The following KLHL5 variants were observed in gnomAD, a reference collection of about 807,000 sequenced individuals.
KLHL5 encodes the protein kelch-like protein 5.
Under a neutral mutation model 77.7 loss-of-function variants are expected in KLHL5, and 48 were observed. The observed-to-expected ratio is 0.62, with a 90% CI of 0.49 to 0.79. The LOEUF (loss-of-function observed/expected upper bound fraction) is 0.79, where lower values mean the gene tolerates loss of function less well. Among genes scored for constraint, KLHL5 ranks in the 30% least tolerant of loss-of-function variants. The pLI is 0.00. For synonymous variants in KLHL5, 260 were observed against 297.0 expected (o/e 0.88, Z 1.28); for missense variants, 723 against 859.7 (o/e 0.84, Z 1.99).
At chr4:39,077,618 T>C (rs988391333) in intron 2 of KLHL5, among the ~76,000 whole-genome samples, 3 of 151,876 alleles carry the variant, frequency 2.0e-5, no homozygotes, top group Admixed American at 6.6e-5. Flanking sequence ...GGGGACACTT[T>C]TACACTGTTG....
chr4:39,112,307 T>G (rs1369798727), intron 8 of KLHL5, among the ~76,000 whole-genome samples: 1 of 152,240 alleles, frequency 6.6e-6, no homozygotes, highest in African/African-American at 2.4e-5. Flanking sequence ...GTAATTTAAA[T>G]TAATGAAGGA....
chr4:39,094,180 G>A (rs1720849238), intron 5 of KLHL5, among the ~76,000 whole-genome samples: 1 of 151,978 alleles, frequency 6.6e-6, no homozygotes, highest in Admixed American at 6.6e-5. Flanking sequence ...AACACGTAGA[G>A]TTTAATAAGG....
chr4:39,066,139 A>G (rs1717878967), intron 1 of KLHL5, among the ~76,000 whole-genome samples: 1 of 152,214 alleles, frequency 6.6e-6, no homozygotes, highest in Admixed American at 6.5e-5. Context: ...CATGACAGTC[A>G]TCTAAGTCAT....
At chr4:39,094,568 A>G (rs1720883046) in intron 5 of KLHL5, among the ~76,000 whole-genome samples, 1 of 152,000 alleles carries the variant, frequency 6.6e-6, no homozygotes, top group Non-Finnish European at 1.5e-5. Flanking sequence ...GAAAGTTAAC[A>G]GCGAGGGAAA....
chr4:39,119,389 C>A (rs1349118778), intron 10 of KLHL5, among the ~76,000 whole-genome samples: 2 of 152,142 alleles, frequency 1.3e-5, no homozygotes, highest in Non-Finnish European at 2.9e-5. Context: ...GAGTTCGAGA[C>A]AGCCTGGGCA....
chr4:39,061,177 A>G (rs1386979522), upstream of KLHL5, among the ~76,000 whole-genome samples: 1 of 152,138 alleles, frequency 6.6e-6, no homozygotes, highest in Non-Finnish European at 1.5e-5. Flanking sequence ...ATTATTTAGC[A>G]TGAAATCATA....
At chr4:39,076,337 C>T (rs1350348334) in intron 2 of KLHL5, among the ~76,000 whole-genome samples, 190 bp downstream of exon 2, 1 of 152,124 alleles carries the variant, frequency 6.6e-6, no homozygotes, top group African/African-American at 2.4e-5. Context: ...CATTTTCCTG[C>T]TGTAGAAGCA....
chr4:39,059,855 C>G (rs1717268391), upstream of KLHL5, among the ~76,000 whole-genome samples: 1 of 152,142 alleles, frequency 6.6e-6, no homozygotes, highest in African/African-American at 2.4e-5. Flanking sequence ...GCCAAGATCA[C>G]ACCACTGTAC....
At position 39,121,292 on chromosome 4, in the gene KLHL5, AT is replaced by A; in HGVS notation, c.*227del. Reference sequence around the variant, plus strand: ...TAAAACCTGCAGCTGGTGGATTGTGATCACACATTCCCGAAGTAATAAGTGA... The same window carrying A: ...TAAAACCTGCAGCTGGTGGATTGTGACACACATTCCCGAAGTAATAAGTGA... On this transcript the variant is annotated 3_prime_UTR_variant, in exon 11 of 11. Coordinates refer to ENST00000504108, the MANE Select transcript of KLHL5 (RefSeq NM_015990.5). The A allele has an allele frequency of 1.8e-6, 1 of 566,840 alleles. No homozygotes were observed. The highest frequency in any genetic ancestry group is 2.1e-5 in the South Asian group (1 of 47,036). The allele number at this position is 566,840 out of a possible 1,614,324, so 35.1% of individuals were successfully genotyped here.
At chr4:39,106,802 G>A (rs755770883) in intron 7 of KLHL5, among the ~76,000 whole-genome samples, 21 of 151,788 alleles carry the variant, frequency 1.4e-4, no homozygotes, top group South Asian at 8.3e-4. Context: ...TCTGTCATCC[G>A]GGCTGGAGGT....
chr4:39,086,682 A>T lies in KLHL5; in HGVS notation c.1068A>T (p.Leu356=). 6.2e-7 allele frequency: 1 copy of T among 1,613,996 alleles called. No individual in the cohort carries two copies. The highest frequency in any genetic ancestry group is 8.5e-7 in the Non-Finnish European group (1 of 1,179,948). ...ATTTGGAACAGAGACGGAAAGATCT[A>T]AGTAAACTTTTGGCTTATATTAGGC... ...RHDLEQRRKD[L]SKLLAYIRLP... Residue 356 remains leucine (L), a synonymous_variant, in exon 5 of 11, where the codon CTA becomes CTT. Coordinates refer to ENST00000504108, the MANE Select transcript of KLHL5 (RefSeq NM_015990.5).
In KLHL5 at chr4:39,081,086, TC is replaced by T; in HGVS notation, c.567-15del. 1 of 1,582,840 alleles carries T rather than the reference TC, an allele frequency of 6.3e-7. No homozygotes were observed. The highest frequency in any genetic ancestry group is 8.5e-7 in the Non-Finnish European group (1 of 1,170,470). On this transcript the variant is annotated splice_polypyrimidine_tract_variant and intron_variant, in intron 2 of 10. Transcript: ENST00000504108. This position sits in a 1 kb window ranked among gnomAD's most constrained non-coding sequence, Gnocchi z 4.3. ...CGAATGTGGTCATTGATTTTTTTTTTCCTAATGTGTTCACAGATTGGTGCTC... is the reference window on the plus strand; with the variant it reads ...CGAATGTGGTCATTGATTTTTTTTTTCTAATGTGTTCACAGATTGGTGCTC...
Position 39,096,778 on chromosome 4 carries a change from A to C in KLHL5, c.1200A>C (p.Leu400Phe). ...KLIMEAMKYH[L>F]LPERRPMLQS... The stretch of plus-strand genomic sequence containing the variant: ...TTATGGAAGCAATGAAGTACCATTT[A>C]TTACCAGAGAGACGACCCATGTTAC... Residue 400 changes from leucine to phenylalanine, a missense_variant, in exon 6 of 11, where the codon TTA becomes TTC. This residue lies in a region of KLHL5 where 288 missense variants were observed against 400.3 expected (regional missense o/e 0.72). Transcript: ENST00000504108. 6.2e-7 allele frequency: 1 copy of C among 1,613,402 alleles called. No individual in the cohort carries two copies. The highest frequency in any genetic ancestry group is 8.5e-7 in the Non-Finnish European group (1 of 1,179,322).
chr4:39,128,761 G>A (rs1022480938), downstream of KLHL5, among the ~76,000 whole-genome samples: 9 of 151,960 alleles, frequency 5.9e-5, no homozygotes, highest in Non-Finnish European at 8.8e-5. Context: ...CCAGGAGTTC[G>A]AGACCAGCCT....
At chr4:39,045,029 TC>T, upstream of KLHL5, 1 of 988,712 alleles carries the variant, frequency 1.0e-6, no homozygotes, top group Non-Finnish European at 1.2e-6. Flanking sequence ...GGCCCCCGCC[TC>T]CCCCGCTCCT....
the KLHL5 span, among the ~76,000 whole-genome samples, chr4:39,140,126 G>T: frequency 2.0e-5 from 3 of 152,038 alleles, no homozygotes; most frequent in South Asian, 2.1e-4. Context: ...ACTTGGGGGG[G>T]GCTGGGGCAG....
At chr4:39,137,798 T>C in the KLHL5 span, among the ~76,000 whole-genome samples, 1 of 152,030 alleles carries the variant, frequency 6.6e-6, no homozygotes, top group Non-Finnish European at 1.5e-5. Context: ...ACTGGCCAAA[T>C]AGGAGACAAT....
chr4:39,102,405 G>GA (rs1412347913), intron 6 of KLHL5, among the ~76,000 whole-genome samples: 9 of 144,736 alleles, frequency 6.2e-5, no homozygotes, highest in Admixed American at 6.2e-4. Context: ...AAAAAGAAAA[G>GA]AAAAACATAG....
In KLHL5 at chr4:39,123,237, C is replaced by T. The variant is rs1723328845; in HGVS notation, c.*2171C>T. On this transcript the variant is annotated 3_prime_UTR_variant, in exon 11 of 11. Coordinates refer to ENST00000504108, the MANE Select transcript of KLHL5 (RefSeq NM_015990.5). ...GAACCAGTAATCAAAAATCTCCCAA[C>T]AAAGAAAGTCCAGGACTAAATGAGT... Among the ~76,000 whole-genome samples, 1 of 152,126 alleles carries T rather than the reference C, an allele frequency of 6.6e-6. No individual in the cohort carries two copies. The highest frequency in any genetic ancestry group is 1.5e-5 in the Non-Finnish European group (1 of 68,014).
Sources: allele counts gnomAD v4.1 joint callset (sites outside exome capture counted in the v4.1 genomes callset), GRCh38; gene constraint gnomAD v4.1.1; regional missense constraint gnomAD v4.1.1; non-coding constraint Gnocchi (gnomAD v3.1); transcripts MANE v1.5; gene names NCBI Gene and HGNC (gene_info 2026-07-23, HGNC 2026-07-21).